Variants in COBL observed in about 807,000 individuals in gnomAD.
COBL encodes protein cordon-bleu.
COBL carries 51 observed loss-of-function variants against 98.8 expected under a neutral mutation model. The observed-to-expected ratio is 0.52, with a 90% confidence interval of 0.41 to 0.65. The LOEUF is 0.65. COBL is among the 30% of genes least tolerant of loss of function. The probability of loss-of-function intolerance (pLI) is 0.00; values close to 1 mark genes in which losing one functional copy is unlikely to be tolerated. For synonymous variants in COBL, 634 were observed against 651.7 expected (o/e 0.97, Z 0.41); for missense variants, 1,617 against 1,617.5 (o/e 1.00, Z 0.01).
rs1422782478 is a variant in COBL, at chr7:51,274,241, C to G, written c.41+42352G>C. Among the ~76,000 whole-genome samples the G allele has an allele frequency of 2.6e-5, 4 of 152,168 alleles. No individual in the cohort carries two copies. In the East Asian group the frequency reaches 7.7e-4, roughly 29 times the overall value. ...AGCCTTGCTGCAACGCCTTCCCTCC[C>G]AAACACACCTTCCCTCCCAAACACA... is the stretch of plus-strand genomic sequence containing the variant. On this transcript the variant is annotated intron_variant, in intron 1 of 12. Transcript: ENST00000265136.
At chr7:51,247,053 A>G (rs1276034707) in intron 1 of COBL, among the ~76,000 whole-genome samples, 2 of 152,204 alleles carry the variant, frequency 1.3e-5, no homozygotes, top group Non-Finnish European at 2.9e-5. Flanking sequence ...TCACAAAACC[A>G]GCGGATACCT....
intron 1 of COBL, among the ~76,000 whole-genome samples, chr7:51,233,607 C>T (rs1331882137): frequency 6.6e-6 from 1 of 152,182 alleles, no homozygotes; most frequent in Admixed American, 6.5e-5. Context: ...GTACTTTTGT[C>T]AATAACTGAA....
chr7:51,062,465 G>C (rs567344644), intron 7 of COBL, among the ~76,000 whole-genome samples: 1 of 152,116 alleles, frequency 6.6e-6, no homozygotes, highest in South Asian at 2.1e-4. Flanking sequence ...CGCTCGGCTG[G>C]CCTGCTGAGA....
intron 2 of COBL, among the ~76,000 whole-genome samples, chr7:51,209,639 A>T (rs1246646379): frequency 6.6e-6 from 1 of 152,142 alleles, no homozygotes; most frequent in African/African-American, 2.4e-5. Context: ...CAGGCTCCTG[A>T]CCACATCCTG....
Position 51,219,868 on chromosome 7 carries a change from G to T in COBL, c.118C>A (p.Pro40Thr), listed in dbSNP as rs766369426. 6.2e-7 allele frequency: 1 copy of T among 1,613,500 alleles called. No homozygotes were observed. The highest frequency in any genetic ancestry group is 2.2e-5 in the East Asian group (1 of 44,848). ...TGCGACCCGAGGGCCCCATCGTGGGGGGGCTTCTGGTCACTGTGCACATGC... is the reference window on the plus strand; with the variant it reads ...TGCGACCCGAGGGCCCCATCGTGGGTGGGCTTCTGGTCACTGTGCACATGC... ...TLHVHSDQKP[P>T]HDGALGSQQN... Residue 40 changes from proline (P) to threonine (T), a missense_variant, in exon 2 of 13, where the codon CCC becomes ACC. Physicochemically the swap from Pro to Thr is conservative, Grantham distance 38. Around this residue, in one of 3 missense-constraint regions of COBL, gnomAD observed 238 missense variants for 215.0 expected, o/e 1.11. Coordinates refer to ENST00000265136, the MANE Select transcript of COBL (RefSeq NM_015198.5).
chr7:51,026,657 T>C lies in COBL; in HGVS notation c.3393A>G (p.Glu1131=). ...TCGCTGGCCTGCCCTCCCCGGTGTG[T>C]TCTGCCGTCTAGAATATTAACAGTG... is the stretch of plus-strand genomic sequence containing the variant. ...GGKDRLRKTA[E]HTGEGRPAKL... is the part of the protein sequence containing the mutation. The change falls in exon 11 of 13, where the codon GAA becomes GAG. Residue 1131 remains glutamate (E), a synonymous_variant. Coordinates refer to ENST00000265136, the MANE Select transcript of COBL (RefSeq NM_015198.5). The C allele has an allele frequency of 6.2e-7, 1 of 1,613,848 alleles. No homozygotes were observed. The highest frequency in any genetic ancestry group is 2.2e-5 in the East Asian group (1 of 44,880).
At chr7:51,203,855 GC>G (rs1791402345) in intron 2 of COBL, among the ~76,000 whole-genome samples, 1 of 152,050 alleles carries the variant, frequency 6.6e-6, no homozygotes, top group Non-Finnish European at 1.5e-5. Flanking sequence ...GAAAAAGAGG[GC>G]CTATTTCCAA....
At chr7:51,218,542 C>T (rs143484401) in intron 2 of COBL, among the ~76,000 whole-genome samples, 2,008 of 152,274 alleles carry the variant, frequency 0.013, 88 homozygotes, top group Admixed American at 0.079. Context: ...GGCACAATCT[C>T]GGTTCACTGC....
intron 1 of COBL, among the ~76,000 whole-genome samples, chr7:51,251,741 C>G (rs1048444052): frequency 1.3e-5 from 2 of 152,156 alleles, no homozygotes; most frequent in Admixed American, 6.5e-5. Context: ...ATTGAACACA[C>G]AGTGATGAGA....
At chr7:51,173,473 G>A (rs916085525) in intron 5 of COBL, among the ~76,000 whole-genome samples, 15 of 152,142 alleles carry the variant, frequency 9.9e-5, no homozygotes, top group South Asian at 2.1e-4. Context: ...GTTGGCCACC[G>A]CTCCTGGCCC....
chr7:51,094,057 A>T (rs1026014630), intron 6 of COBL, among the ~76,000 whole-genome samples: 4 of 151,866 alleles, frequency 2.6e-5, no homozygotes, highest in African/African-American at 9.7e-5. Flanking sequence ...TTTAAAAAGA[A>T]GAAAATTCTG....
chr7:51,220,028 G>A (rs1025153055), intron 1 of COBL, 84 bp from the exon 2 acceptor site: 29 of 1,358,094 alleles, frequency 2.1e-5, no homozygotes, highest in Non-Finnish European at 2.8e-5. Flanking sequence ...ACATACTCAG[G>A]TCTGTCTTCA....
At chr7:51,061,909 C>T (rs1791398500) in intron 7 of COBL, among the ~76,000 whole-genome samples, 1 of 147,818 alleles carries the variant, frequency 6.8e-6, no homozygotes, top group Non-Finnish European at 1.5e-5. Flanking sequence ...TATAATTACA[C>T]AAGGCCATCC....
At position 51,299,427 on chromosome 7, in the gene COBL, C is replaced by A. The variant is rs906251133; in HGVS notation, c.41+17166G>T. On this transcript the variant is annotated intron_variant, in intron 1 of 12. Transcript: ENST00000265136. Reference sequence around the variant, plus strand: ...TTTACCTATCTTCTCCTATCTGTCTCTCTTTCTTCCCAAAAGTCACAAGTT... The same window carrying A: ...TTTACCTATCTTCTCCTATCTGTCTATCTTTCTTCCCAAAAGTCACAAGTT... Among the ~76,000 whole-genome samples, 11 of 152,362 alleles carry A rather than the reference C, an allele frequency of 7.2e-5. No homozygotes were observed. In the East Asian group the frequency reaches 1.5e-3, roughly 21 times the overall value.
intron 10 of COBL, among the ~76,000 whole-genome samples, chr7:51,027,367 C>T (rs1471963809): frequency 6.6e-6 from 1 of 152,222 alleles, no homozygotes; most frequent in East Asian, 1.9e-4. Context: ...CTCCTCTGTT[C>T]CATTGTTCAA....
chr7:51,118,232 T>C (rs1797450225), intron 6 of COBL, among the ~76,000 whole-genome samples: 1 of 152,120 alleles, frequency 6.6e-6, no homozygotes, highest in Non-Finnish European at 1.5e-5. Flanking sequence ...ATTAGCTTGG[T>C]AGTTTAAACA....
chr7:51,270,100 C>T (rs1045590096), intron 1 of COBL, among the ~76,000 whole-genome samples: 8 of 152,182 alleles, frequency 5.3e-5, no homozygotes, highest in African/African-American at 1.9e-4. Context: ...TGTGTTGTTG[C>T]ATGAGCACTT....
intron 1 of COBL, among the ~76,000 whole-genome samples, chr7:51,244,756 A>G (rs545854626): frequency 6.6e-6 from 1 of 152,230 alleles, no homozygotes; most frequent in Admixed American, 6.5e-5. Flanking sequence ...CATTGCTCTC[A>G]GCCCCATTAT....
At chr7:51,311,738 T>C (rs1039868524) in intron 1 of COBL, among the ~76,000 whole-genome samples, 3 of 151,960 alleles carry the variant, frequency 2.0e-5, no homozygotes, top group Non-Finnish European at 4.4e-5. Flanking sequence ...GAAACTAAAA[T>C]TTACAACTCA....
Sources: allele counts gnomAD v4.1 joint callset (sites outside exome capture counted in the v4.1 genomes callset), GRCh38; gene constraint gnomAD v4.1.1; regional missense constraint gnomAD v4.1.1; transcripts MANE v1.5; gene names NCBI Gene and HGNC (gene_info 2026-07-23, HGNC 2026-07-21).